Variants in ITFG1 observed in about 807,000 individuals in gnomAD.
ITFG1 encodes the protein T-cell immunomodulatory protein.
A neutral mutation model predicts 81.8 loss-of-function variants in ITFG1; 34 were observed. That is an observed-to-expected ratio of 0.42 (90% CI 0.32 to 0.55). The LOEUF (loss-of-function observed/expected upper bound fraction) is 0.55. Ranked by LOEUF, ITFG1 falls within the 20% of genes least tolerant of loss-of-function variation. The pLI, the probability that ITFG1 is intolerant of heterozygous loss-of-function variation, is 0.17. For synonymous variants in ITFG1, 285 were observed against 270.6 expected, an observed-to-expected ratio of 1.05 and a Z score of -0.52; for missense variants, 672 against 755.4, an observed-to-expected ratio of 0.89 and a Z score of 1.29.
intron 13 of ITFG1, among the ~76,000 whole-genome samples, chr16:47,222,575 G>A (rs910809082): frequency 2.6e-5 from 4 of 152,024 alleles, no homozygotes; most frequent in Admixed American, 2.0e-4. Flanking sequence ...CACCAGGCCC[G>A]GCTAATTTTT....
At chr16:47,445,321 C>T (rs1969311326) in intron 5 of ITFG1, among the ~76,000 whole-genome samples, 1 of 145,706 alleles carries the variant, frequency 6.9e-6, no homozygotes. Flanking sequence ...CCCAGCAAAT[C>T]ACCATTAGTA....
At chr16:47,192,289 A>G (rs1965302379) in intron 14 of ITFG1, among the ~76,000 whole-genome samples, 1 of 152,176 alleles carries the variant, frequency 6.6e-6, no homozygotes, top group African/African-American at 2.4e-5. Context: ...TTATCTAGCT[A>G]TGAGTTAGGC....
chr16:47,387,724 C>T (rs746941516), intron 6 of ITFG1, among the ~76,000 whole-genome samples: 13 of 152,098 alleles, frequency 8.5e-5, no homozygotes, highest in Admixed American at 5.9e-4. Flanking sequence ...AGCCAAATTT[C>T]GGAGGGAAGA....
chr16:47,426,754 A>G (rs1211103326), intron 6 of ITFG1, among the ~76,000 whole-genome samples: 1 of 152,100 alleles, frequency 6.6e-6, no homozygotes, highest in Non-Finnish European at 1.5e-5. Flanking sequence ...ATGTTGTAGC[A>G]AAAGTCATAA....
At chr16:47,225,248 T>A (rs975334618) in intron 13 of ITFG1, among the ~76,000 whole-genome samples, 2 of 148,938 alleles carry the variant, frequency 1.3e-5, no homozygotes, top group Admixed American at 6.7e-5. Context: ...GTCTGAAGGA[T>A]AGAAAAAAAG....
intron 6 of ITFG1, among the ~76,000 whole-genome samples, chr16:47,411,020 G>T (rs917046755): frequency 6.6e-6 from 1 of 152,132 alleles, no homozygotes; most frequent in African/African-American, 2.4e-5. Context: ...CACAACCTCC[G>T]CTGAGCAGTT....
chr16:47,236,621 G>C (rs184653149), intron 13 of ITFG1, among the ~76,000 whole-genome samples: 1 of 151,798 alleles, frequency 6.6e-6, no homozygotes, highest in African/African-American at 2.4e-5. Context: ...AATAATCAAA[G>C]AGCCACAGAA....
At chr16:47,158,800 T>A (rs1964755252) in intron 17 of ITFG1, 73 bp downstream of exon 17, 2 of 677,266 alleles carry the variant, frequency 3.0e-6, no homozygotes. Context: ...ATAAATATAG[T>A]GTTTTTAAAG....
At chr16:47,410,912 AG>A (rs1419626530) in intron 6 of ITFG1, among the ~76,000 whole-genome samples, 2 of 152,184 alleles carry the variant, frequency 1.3e-5, no homozygotes, top group Non-Finnish European at 2.9e-5. Context: ...AGCTCTAACC[AG>A]GGCCAGGGAA....
At chr16:47,253,312 C>T (rs928280081) in intron 12 of ITFG1, among the ~76,000 whole-genome samples, 1 of 152,180 alleles carries the variant, frequency 6.6e-6, no homozygotes, top group African/African-American at 2.4e-5. Flanking sequence ...ACACATTTCT[C>T]ACAATTTGAA....
rs879528997 is a variant in ITFG1, at chr16:47,354,973, C to T, written c.802+10815G>A. Among the ~76,000 whole-genome samples the T allele has an allele frequency of 3.8e-4, 58 of 152,178 alleles. 2 individuals carry two copies. Among genetic ancestry groups the T allele is most frequent in the Admixed American group, 2.3e-3 (35 of 15,282 alleles). On this transcript the variant is annotated intron_variant, in intron 8 of 17. Coordinates refer to ENST00000320640, the MANE Select transcript of ITFG1 (RefSeq NM_030790.5). ...AAATTAGTACAGCCATTATGTAAAA[C>T]AGTATGGAGTTTCCTAAAAAAATAT... is the stretch of plus-strand genomic sequence containing the variant.
intron 14 of ITFG1, among the ~76,000 whole-genome samples, chr16:47,200,868 A>G (rs1222468364): frequency 2.0e-5 from 3 of 152,214 alleles, no homozygotes; most frequent in African/African-American, 7.2e-5. Context: ...GAGAATCATT[A>G]TTCTAATCGA....
chr16:47,247,115 C>T (rs1477450811), intron 12 of ITFG1, among the ~76,000 whole-genome samples: 1 of 152,132 alleles, frequency 6.6e-6, no homozygotes, highest in Non-Finnish European at 1.5e-5. Flanking sequence ...AGAGGACACC[C>T]ACCCTCATAC....
chr16:47,412,863 G>A (rs1199551769), intron 6 of ITFG1, among the ~76,000 whole-genome samples: 1 of 152,034 alleles, frequency 6.6e-6, no homozygotes, highest in Non-Finnish European at 1.5e-5. Context: ...TGAGAAACAT[G>A]CGCTTTTATA....
intron 6 of ITFG1, among the ~76,000 whole-genome samples, chr16:47,416,675 T>C (rs1433041565): frequency 6.6e-6 from 1 of 152,196 alleles, no homozygotes; most frequent in African/African-American, 2.4e-5. Flanking sequence ...CCTCTCTCTC[T>C]GTTCCTGTCT....
chr16:47,239,525 C>A (rs1012942308), intron 12 of ITFG1, among the ~76,000 whole-genome samples: 3 of 151,754 alleles, frequency 2.0e-5, no homozygotes, highest in African/African-American at 7.3e-5. Flanking sequence ...TTAATAGCAG[C>A]CTAAATGGAC....
chr16:47,308,978 T>C (rs1232347199), intron 10 of ITFG1, among the ~76,000 whole-genome samples: 2 of 152,122 alleles, frequency 1.3e-5, no homozygotes, highest in African/African-American at 4.8e-5. Context: ...AGTCACATTC[T>C]TAAACACAGT....
intron 6 of ITFG1, 141 bp from the exon 7 acceptor site, chr16:47,376,081 C>A: frequency 1.9e-6 from 1 of 523,730 alleles, no homozygotes; most frequent in Non-Finnish European, 3.4e-6. Flanking sequence ...TAACAAGTTT[C>A]ATCCCATTAA....
chr16:47,333,229 T>C (rs1383045129), intron 8 of ITFG1, among the ~76,000 whole-genome samples: 2 of 152,128 alleles, frequency 1.3e-5, no homozygotes, highest in African/African-American at 4.8e-5. Flanking sequence ...AATAACAGAG[T>C]ATTATCTTTA....
Sources: gnomAD v4.1 joint callset for allele counts (sites outside exome capture counted in the v4.1 genomes callset) on GRCh38, gnomAD v4.1.1 for gene constraint, MANE v1.5 for transcripts, NCBI Gene and HGNC (gene_info 2026-07-23, HGNC 2026-07-21) for gene names.